Variants in TCF12 observed in about 807,000 individuals in gnomAD.
TCF12 encodes the protein transcription factor 12, also known as DNA-binding protein HTF4.
Under a neutral mutation model 86.0 loss-of-function variants are expected in TCF12, and 45 were observed. That is an observed-to-expected ratio of 0.52 (90% CI 0.41 to 0.67). The LOEUF is 0.67. Ranked by LOEUF, TCF12 falls within the 30% of genes least tolerant of loss-of-function variation. The pLI is 0.00. For synonymous variants in TCF12, 330 were observed against 299.6 expected (o/e 1.10, Z -1.05); for missense variants, 881 against 859.9 (o/e 1.02, Z -0.31).
At chr15:57,211,764 G>A (rs2058110259) in intron 8 of TCF12, among the ~76,000 whole-genome samples, 1 of 152,208 alleles carries the variant, frequency 6.6e-6, no homozygotes, top group Non-Finnish European at 1.5e-5. Context: ...GACCAGCCTG[G>A]CCAACATGGC....
intron 16 of TCF12, among the ~76,000 whole-genome samples, chr15:57,255,949 C>T (rs1166465892): frequency 3.3e-5 from 5 of 152,204 alleles, no homozygotes; most frequent in African/African-American, 1.2e-4. Context: ...CAGTCCTTAT[C>T]ACCTTCTCAG....
chr15:56,951,359 T>G, intron 3 of TCF12, among the ~76,000 whole-genome samples: 1 of 152,364 alleles, frequency 6.6e-6, no homozygotes, highest in Non-Finnish European at 1.5e-5. Flanking sequence ...TGCTGAAATA[T>G]CTTCATATCT....
Position 57,028,628 on chromosome 15 carries a change from C to A in TCF12, c.149-35122C>A, listed in dbSNP as rs549530166. Among the ~76,000 whole-genome samples, 23 of 152,182 alleles carry A rather than the reference C, an allele frequency of 1.5e-4. No individual in the cohort carries two copies. The South Asian group carries it at 4.4e-3, about 29-fold the overall frequency. ...ACGTAATATGAATATTTTCTCCTAG[C>A]CTTTTCATTGTCTGAATAGTCTTTT... On this transcript the variant is annotated intron_variant, in intron 3 of 20. Coordinates refer to ENST00000333725, the MANE Select transcript of TCF12 (RefSeq NM_207037.2).
At chr15:57,220,781 A>G (rs1445108392) in intron 8 of TCF12, among the ~76,000 whole-genome samples, 1 of 152,180 alleles carries the variant, frequency 6.6e-6, no homozygotes, top group Non-Finnish European at 1.5e-5. Flanking sequence ...AAGGTACACT[A>G]ATGAATAACA....
chr15:57,144,271 G>A (rs1236568668), intron 5 of TCF12, among the ~76,000 whole-genome samples: 3 of 152,238 alleles, frequency 2.0e-5, no homozygotes, highest in East Asian at 1.9e-4. Context: ...GGATAGATAC[G>A]AGGCACATTC....
At chr15:56,922,734 CA>C (rs1349989624) in intron 3 of TCF12, among the ~76,000 whole-genome samples, 6 of 151,658 alleles carry the variant, frequency 4.0e-5, no homozygotes, top group African/African-American at 1.5e-4. Flanking sequence ...TTAAATGCTA[CA>C]AAAAATTGTA....
At chr15:57,003,543 A>G (rs2064171770) in intron 3 of TCF12, among the ~76,000 whole-genome samples, 1 of 152,208 alleles carries the variant, frequency 6.6e-6, no homozygotes, top group Admixed American at 6.5e-5. Context: ...ATCAACAAAA[A>G]CACAACAATG....
chr15:57,276,631 A>G (rs1474743480), intron 19 of TCF12, among the ~76,000 whole-genome samples: 1 of 152,196 alleles, frequency 6.6e-6, no homozygotes, highest in Non-Finnish European at 1.5e-5. Flanking sequence ...TAAAAAAAAT[A>G]TTCTAAAGCT....
chr15:56,984,249 GGTGTGTGTGTGTGTGTGTGT>G (rs56221122), intron 3 of TCF12, among the ~76,000 whole-genome samples: 10 of 123,074 alleles, frequency 8.1e-5, no homozygotes, highest in African/African-American at 1.2e-4. Flanking sequence ...GCATGTGCAT[GGTGTGTGTGTGTGTGTGTGT>G]GTGTGTGTGT....
chr15:57,018,715 A>G (rs1212554722), intron 3 of TCF12, among the ~76,000 whole-genome samples: 2 of 152,186 alleles, frequency 1.3e-5, no homozygotes, highest in African/African-American at 4.8e-5. Flanking sequence ...GGCTAGGATT[A>G]CAGGCATGAG....
intron 17 of TCF12, among the ~76,000 whole-genome samples, chr15:57,262,584 T>G (rs1462409601): frequency 6.6e-6 from 1 of 152,212 alleles, no homozygotes; most frequent in East Asian, 1.9e-4. Context: ...GCTGTTGTTT[T>G]AGAGATTATC....
intron 3 of TCF12, among the ~76,000 whole-genome samples, chr15:57,035,243 T>C (rs898009044): frequency 6.6e-6 from 1 of 152,164 alleles, no homozygotes; most frequent in Non-Finnish European, 1.5e-5. Flanking sequence ...TTAAATGATA[T>C]TGTTTCCTGA....
rs561247615 is a variant in TCF12 at position 57,283,946 on chromosome 15, G to A, written c.*11+1348G>A. ...AAAGAAGAGTTAAGGCAGTTATTTC[G>A]TAAGTCAGTTATAACTGTAACATTA... On this transcript the variant is annotated intron_variant, in intron 20 of 20. Coordinates refer to ENST00000333725, the MANE Select transcript of TCF12 (RefSeq NM_207037.2). 1.4e-4 allele frequency among the ~76,000 whole-genome samples: 21 copies of A among 152,220 alleles called. No individual in the cohort carries two copies. In the East Asian group the frequency reaches 1.7e-3, roughly 13 times the overall value.
intron 3 of TCF12, among the ~76,000 whole-genome samples, chr15:56,926,964 T>C (rs1197093706): frequency 6.6e-6 from 1 of 152,182 alleles, no homozygotes; most frequent in Admixed American, 6.5e-5. Flanking sequence ...TTATTTACTT[T>C]GGAGGCCTTT....
rs60825721 is a variant in TCF12, at chr15:57,007,852, C to CCCTTCCTTCCTTCCTT, written c.149-55850_149-55835dup. Among the ~76,000 whole-genome samples the CCCTTCCTTCCTTCCTT allele has an allele frequency of 9.3e-3, 942 of 101,124 alleles. 19 individuals carry two copies. The highest frequency in any genetic ancestry group is 0.013 in the Non-Finnish European group (643 of 50,170). 66.3% of individuals were successfully genotyped at this position (101,124 alleles called of 152,430 possible). ...TCTTTCTTTCTTTCTCTCTTTCCCTCCCTTCCTTCCTTCCTTCCTTCCTTC... is the reference window on the plus strand; with the variant it reads ...TCTTTCTTTCTTTCTCTCTTTCCCTCCCTTCCTTCCTTCCTTCCTTCCTTCCTTCCTTCCTTCCTTC... On this transcript the variant is annotated intron_variant, in intron 3 of 20. Coordinates refer to ENST00000333725, the MANE Select transcript of TCF12 (RefSeq NM_207037.2).
intron 5 of TCF12, among the ~76,000 whole-genome samples, chr15:57,153,210 C>G (rs1219002495): frequency 1.3e-5 from 2 of 152,178 alleles, no homozygotes; most frequent in African/African-American, 4.8e-5. Context: ...GGGAATGTCA[C>G]TCCAGACAGA....
chr15:57,263,167 CAAAG>C lies in TCF12; in HGVS notation c.1642_1645del (p.Glu548ArgfsTer14), dbSNP rs1555412971. The C allele has an allele frequency of 2.5e-6, 4 of 1,612,768 alleles. No individual in the cohort carries two copies. Among genetic ancestry groups the C allele is most frequent in the African/African-American group, 1.3e-5 (1 of 74,818 alleles). Reference sequence around the variant, plus strand: ...TTACAACAGAAATCAAGACTGAAAACAAAGAAAAGGATGAAAACCTTCATGAACC... The same window carrying C: ...TTACAACAGAAATCAAGACTGAAAACAAAAGGATGAAAACCTTCATGAACC... On this transcript the variant is annotated frameshift_variant, in exon 18 of 21. Transcript: ENST00000333725. LOFTEE classifies it high-confidence loss of function.
intron 13 of TCF12, among the ~76,000 whole-genome samples, chr15:57,244,925 T>A (rs1325700065): frequency 2.6e-5 from 4 of 152,218 alleles, no homozygotes; most frequent in African/African-American, 9.6e-5. Context: ...TTAATATCTT[T>A]TAAGCTATAA....
chr15:56,988,233 T>C (rs1261989416), intron 3 of TCF12, among the ~76,000 whole-genome samples: 1 of 152,194 alleles, frequency 6.6e-6, no homozygotes, highest in East Asian at 1.9e-4. Flanking sequence ...TATTAGGTGA[T>C]TTGGTCATAT....
Sources: allele counts gnomAD v4.1 joint callset (sites outside exome capture counted in the v4.1 genomes callset), GRCh38; gene constraint gnomAD v4.1.1; transcripts MANE v1.5; gene names NCBI Gene and HGNC (gene_info 2026-07-23, HGNC 2026-07-21).